DMD: variants seen among roughly 807,000 people sequenced by gnomAD.
DMD encodes the protein mutant dystrophin.
DMD carries 63 observed loss-of-function variants against 330.1 expected under a neutral mutation model. That is an observed-to-expected ratio of 0.19 (90% CI 0.16 to 0.24). The LOEUF is 0.24. Ranked by LOEUF, DMD falls within the 10% of genes least tolerant of loss-of-function variation. The probability of loss-of-function intolerance (pLI) is 1.00; values close to 1 mark genes in which losing one functional copy is unlikely to be tolerated. For missense variants in DMD, 3,344 were observed against 2,684.1 expected (o/e 1.25, Z -5.43); for synonymous variants, 1,223 against 959.8 (o/e 1.27, Z -5.07).
chrX:32,341,954 G>A, intron 41 of DMD, 146 bp downstream of exon 41: 1 of 575,130 alleles, frequency 1.7e-6, no homozygotes, highest in Non-Finnish European at 2.6e-6. Flanking sequence ...GAAGCCCAAA[G>A]TGAGGGAAAC....
intron 55 of DMD, among the ~76,000 whole-genome samples, chrX:31,546,662 T>C (rs1394240493): frequency 1.8e-5 from 2 of 112,248 alleles, no homozygotes; most frequent in Non-Finnish European, 3.8e-5. Context: ...AAGACTTGAA[T>C]ACCAATTACC....
At chrX:32,899,596 C>T (rs2086045207) in intron 2 of DMD, among the ~76,000 whole-genome samples, 1 of 106,380 alleles carries the variant, frequency 9.4e-6, no homozygotes, top group Non-Finnish European at 1.9e-5. Context: ...ATCACTTGAA[C>T]CTGGGAGGCA....
intron 29 of DMD, among the ~76,000 whole-genome samples, chrX:32,434,104 A>G (rs2098249730): frequency 8.9e-6 from 1 of 112,511 alleles, no homozygotes; most frequent in Non-Finnish European, 1.9e-5. Context: ...AAATATTCAT[A>G]GGCAATAAAA....
At chrX:33,329,446 A>T (rs1321946227) in intron 1 of DMD, among the ~76,000 whole-genome samples, 1 of 112,187 alleles carries the variant, frequency 8.9e-6, no homozygotes. Context: ...ATGTGCAGTA[A>T]ATTTGCAAGA....
At chrX:32,492,836 T>A (rs1187198821) in intron 19 of DMD, among the ~76,000 whole-genome samples, 1 of 112,195 alleles carries the variant, frequency 8.9e-6, no homozygotes, top group Non-Finnish European at 1.9e-5. Context: ...ATACTGAATA[T>A]TTAAATGTTT....
chrX:32,329,390 C>G (rs2097667729), intron 41 of DMD, among the ~76,000 whole-genome samples: 1 of 111,325 alleles, frequency 9.0e-6, no homozygotes, highest in Non-Finnish European at 1.9e-5. Flanking sequence ...AAATAGAGGC[C>G]CAAGTCAAAG....
intron 44 of DMD, among the ~76,000 whole-genome samples, chrX:32,173,079 G>GTA (rs1380277202): frequency 1.9e-5 from 2 of 106,322 alleles, no homozygotes; most frequent in African/African-American, 7.0e-5. Flanking sequence ...GTGTGTGTGT[G>GTA]TGTGTGTGTG....
At chrX:31,505,676 T>A (rs746619189) in intron 56 of DMD, among the ~76,000 whole-genome samples, 1 of 110,939 alleles carries the variant, frequency 9.0e-6, no homozygotes, top group African/African-American at 3.3e-5. Context: ...CTCTGTCCCC[T>A]AGGCTGGAGT....
At chrX:31,551,112 G>A (rs1383163949) in intron 55 of DMD, among the ~76,000 whole-genome samples, 1 of 106,195 alleles carries the variant, frequency 9.4e-6, no homozygotes, top group Non-Finnish European at 1.9e-5. Context: ...CTCGGGAGGT[G>A]GAGGTTGCAG....
intron 49 of DMD, among the ~76,000 whole-genome samples, chrX:31,831,668 A>G (rs759474029): frequency 5.3e-4 from 59 of 111,207 alleles, no homozygotes; most frequent in South Asian, 3.0e-3. Flanking sequence ...GCGTGATCTC[A>G]GCTCACTGCA....
chrX:32,230,146 T>C (rs2097163608), intron 43 of DMD, among the ~76,000 whole-genome samples: 1 of 112,206 alleles, frequency 8.9e-6, no homozygotes, highest in Non-Finnish European at 1.9e-5. Flanking sequence ...TTTTGCAGAT[T>C]CAAATTTATC....
intron 13 of DMD, among the ~76,000 whole-genome samples, chrX:32,584,574 T>C (rs1372063187): frequency 8.9e-6 from 1 of 112,226 alleles, no homozygotes; most frequent in Non-Finnish European, 1.9e-5. Flanking sequence ...TACAAAGTAA[T>C]TCTATCCAGC....
At chrX:32,824,980 A>G (rs1415832614) in intron 4 of DMD, among the ~76,000 whole-genome samples, 1 of 111,965 alleles carries the variant, frequency 8.9e-6, no homozygotes, top group Non-Finnish European at 1.9e-5. Flanking sequence ...AGGAAAAGCC[A>G]CTATGAATTT....
At chrX:33,306,070 AGGTATTTCTGACT>A (rs980577007) in intron 1 of DMD, among the ~76,000 whole-genome samples, 4 of 111,969 alleles carry the variant, frequency 3.6e-5, no homozygotes, top group Admixed American at 1.9e-4. Context: ...CACAATGGAT[AGGTATTTCTGACT>A]GGCACTTTTT....
chrX:31,378,586 G>A (rs1002811128), intron 60 of DMD, among the ~76,000 whole-genome samples: 2 of 109,844 alleles, frequency 1.8e-5, no homozygotes, highest in Admixed American at 9.6e-5. Flanking sequence ...CTGACCACAC[G>A]GGGACGCCTG....
chrX:32,589,579 CACTT>C (rs1448657883), intron 13 of DMD, among the ~76,000 whole-genome samples: 3 of 110,908 alleles, frequency 2.7e-5, no homozygotes, highest in Non-Finnish European at 3.8e-5. Context: ...TATTTTTACA[CACTT>C]ACATTTATAT....
intron 43 of DMD, among the ~76,000 whole-genome samples, chrX:32,238,401 T>C (rs1235952281): frequency 1.8e-5 from 2 of 109,092 alleles, no homozygotes; most frequent in Non-Finnish European, 3.8e-5. Context: ...TGCATCTCCA[T>C]AGGGCTGCTC....
intron 74 of DMD, among the ~76,000 whole-genome samples, chrX:31,148,580 T>C (rs1442977719): frequency 2.7e-5 from 3 of 112,333 alleles, no homozygotes; most frequent in Non-Finnish European, 5.6e-5. Flanking sequence ...TGATGTGGAA[T>C]TGTTGGATCT....
intron 13 of DMD, among the ~76,000 whole-genome samples, chrX:32,583,499 C>A (rs190556484): frequency 0.011 from 1,237 of 110,653 alleles, 19 homozygotes; most frequent in African/African-American, 0.038. Context: ...AACTCCATCT[C>A]AAAAAAATAT....
Sources: allele counts gnomAD v4.1 joint callset (sites outside exome capture counted in the v4.1 genomes callset), GRCh38; gene constraint gnomAD v4.1.1; transcripts MANE v1.5; gene names NCBI Gene and HGNC (gene_info 2026-07-23, HGNC 2026-07-21).